The following RFX3 variants were observed in gnomAD, a reference collection of about 807,000 sequenced individuals.
The protein encoded by RFX3 is regulatory factor X3.
In RFX3, 14 loss-of-function variants were observed where a neutral mutation model predicts 98.6. The observed-to-expected ratio is 0.14, with a 90% CI of 0.09 to 0.22. The LOEUF (loss-of-function observed/expected upper bound fraction) is 0.22, where lower values mean the gene tolerates loss of function less well. RFX3 is among the 10% of genes least tolerant of loss of function. The pLI, the probability that RFX3 is intolerant of heterozygous loss-of-function variation, is 1.00. For synonymous variants in RFX3, 383 were observed against 328.4 expected (o/e 1.17, Z -1.80); for missense variants, 639 against 926.9 (o/e 0.69, Z 4.03).
At chr9:3,277,561 T>C in intron 7 of RFX3, 100 bp from the exon 8 acceptor site, 1 of 1,002,038 alleles carries the variant, frequency 1.0e-6, no homozygotes, top group Non-Finnish European at 1.5e-6. Flanking sequence ...TCTATCTTCT[T>C]TAACGTCTCA....
chr9:3,245,531 C>T (rs1420781718), intron 15 of RFX3, among the ~76,000 whole-genome samples: 2 of 152,092 alleles, frequency 1.3e-5, no homozygotes, highest in African/African-American at 4.8e-5. Context: ...TGACTGCACT[C>T]TGAGGGATTT....
At chr9:3,379,353 T>TA (rs1158644519) in intron 2 of RFX3, among the ~76,000 whole-genome samples, 3 of 152,044 alleles carry the variant, frequency 2.0e-5, no homozygotes, top group African/African-American at 7.2e-5. Context: ...TATTAAAACA[T>TA]AAGCAAACAT....
intron 7 of RFX3, among the ~76,000 whole-genome samples, chr9:3,287,167 T>G (rs1586887086): frequency 1.3e-5 from 2 of 152,028 alleles, no homozygotes; most frequent in South Asian, 2.1e-4. Flanking sequence ...AAAATTACTG[T>G]GTGATATATT....
At chr9:3,251,018 G>A (rs957689643) in intron 14 of RFX3, among the ~76,000 whole-genome samples, 3 of 152,064 alleles carry the variant, frequency 2.0e-5, no homozygotes. Flanking sequence ...CGTATATGAA[G>A]ATAATCATAA....
chr9:3,421,877 G>T (rs551206501), intron 1 of RFX3, among the ~76,000 whole-genome samples: 2 of 152,200 alleles, frequency 1.3e-5, no homozygotes, highest in East Asian at 3.9e-4. Context: ...ACTCTAGCAG[G>T]CAATTTCATT....
chr9:3,358,181 A>G (rs569897146), intron 2 of RFX3, among the ~76,000 whole-genome samples: 2 of 152,280 alleles, frequency 1.3e-5, no homozygotes, highest in African/African-American at 4.8e-5. Context: ...CAAAAGGGTT[A>G]CTGTGAGGAT....
rs1587859073 is a variant in RFX3, at chr9:3,496,537, C to A, written c.-9+29210G>T. Among the ~76,000 whole-genome samples the A allele has an allele frequency of 5.9e-5, 9 of 151,912 alleles. No individual in the cohort carries two copies. The South Asian group carries it at 1.9e-3, about 31-fold the overall frequency. ...CATATCCTATACCACAAAGACTAAG[C>A]CAGAAAGATGAAAATAAGAATACTA... On this transcript the variant is annotated intron_variant, in intron 1 of 16. Transcript: ENST00000617270.
intron 4 of RFX3, among the ~76,000 whole-genome samples, chr9:3,319,305 C>A (rs1455919325): frequency 6.6e-6 from 1 of 150,916 alleles, no homozygotes; most frequent in Admixed American, 6.6e-5. Context: ...TTAATCAATG[C>A]TCCAGAGGAT....
At chr9:3,304,908 T>C (rs776894154) in intron 4 of RFX3, among the ~76,000 whole-genome samples, 1 of 151,784 alleles carries the variant, frequency 6.6e-6, no homozygotes, top group African/African-American at 2.4e-5. Context: ...AAAATAAGAG[T>C]AGTAGTCTTT....
chr9:3,418,082 G>A (rs1843128046), intron 1 of RFX3, among the ~76,000 whole-genome samples: 1 of 152,158 alleles, frequency 6.6e-6, no homozygotes, highest in Non-Finnish European at 1.5e-5. Context: ...ATAGCACAAT[G>A]AATAGGAGTG....
At chr9:3,436,906 T>C (rs1845175169) in intron 1 of RFX3, among the ~76,000 whole-genome samples, 1 of 151,986 alleles carries the variant, frequency 6.6e-6, no homozygotes, top group Admixed American at 6.6e-5. Flanking sequence ...AAAATGTCAA[T>C]CAATTCTGGT....
intron 13 of RFX3, among the ~76,000 whole-genome samples, chr9:3,258,549 A>G (rs1822433346): frequency 6.6e-6 from 1 of 152,034 alleles, no homozygotes; most frequent in Non-Finnish European, 1.5e-5. Flanking sequence ...TCAGCTGATG[A>G]TACTATTCAC....
chr9:3,403,912 T>C (rs900057234), intron 1 of RFX3, among the ~76,000 whole-genome samples: 1 of 152,148 alleles, frequency 6.6e-6, no homozygotes, highest in Admixed American at 6.6e-5. Context: ...AAGACTCCAA[T>C]GACAGTGTTC....
At chr9:3,366,702 CTTT>C (rs1563993784) in intron 2 of RFX3, among the ~76,000 whole-genome samples, 7 of 76,298 alleles carry the variant, frequency 9.2e-5, no homozygotes, top group African/African-American at 1.6e-4. Context: ...TCCTTTCTTT[CTTT>C]CTTTCTTTCT....
chr9:3,422,921 T>C (rs1441718568), intron 1 of RFX3, among the ~76,000 whole-genome samples: 2 of 152,088 alleles, frequency 1.3e-5, no homozygotes, highest in East Asian at 3.9e-4. Flanking sequence ...AAAAAATAAT[T>C]AAAAACCTCT....
At chr9:3,433,036 T>A (rs1473628429) in intron 1 of RFX3, among the ~76,000 whole-genome samples, 2 of 152,104 alleles carry the variant, frequency 1.3e-5, no homozygotes, top group South Asian at 4.1e-4. Context: ...ACAAAATCAC[T>A]GAATACTCAA....
chr9:3,329,845 T>G (rs2130877239), intron 4 of RFX3, among the ~76,000 whole-genome samples: 1 of 152,302 alleles, frequency 6.6e-6, no homozygotes, highest in Admixed American at 6.5e-5. Flanking sequence ...GCATAAATAT[T>G]ATTGTTGAAA....
intron 7 of RFX3, among the ~76,000 whole-genome samples, chr9:3,287,508 C>T (rs533990451): frequency 6.6e-6 from 1 of 152,042 alleles, no homozygotes; most frequent in South Asian, 2.1e-4. Flanking sequence ...TCTGAAAAAA[C>T]AGAAACTATT....
intron 2 of RFX3, among the ~76,000 whole-genome samples, chr9:3,369,984 A>T (rs1259804545): frequency 2.8e-5 from 4 of 144,328 alleles, no homozygotes; most frequent in East Asian, 4.0e-4. Context: ...GCCCGCCACT[A>T]CGCCCGGCTA....
Sources: allele counts gnomAD v4.1 joint callset (sites outside exome capture counted in the v4.1 genomes callset), GRCh38; gene constraint gnomAD v4.1.1; transcripts MANE v1.5; gene names NCBI Gene and HGNC (gene_info 2026-07-23, HGNC 2026-07-21).